The following DLGAP2 variants were observed in gnomAD, a reference collection of about 807,000 sequenced individuals.
DLGAP2 encodes the protein disks large-associated protein 2.
A neutral mutation model predicts 100.3 loss-of-function variants in DLGAP2; 26 were observed. That is an observed-to-expected ratio of 0.26 (90% CI 0.19 to 0.36). The LOEUF (loss-of-function observed/expected upper bound fraction) is 0.36. DLGAP2 is among the 10% of genes least tolerant of loss of function. The pLI, the probability that DLGAP2 is intolerant of heterozygous loss-of-function variation, is 1.00. For missense variants in DLGAP2, 1,858 were observed against 1,453.2 expected (o/e 1.28, Z -4.53); for synonymous variants, 886 against 630.1 (o/e 1.41, Z -6.08).
At chr8:1,412,285 T>G (rs6558468) in intron 3 of DLGAP2, among the ~76,000 whole-genome samples, 55,754 of 152,116 alleles carry the variant, frequency 0.37, 11,037 homozygotes, top group East Asian at 0.65. Context: ...TTGTCTTTCA[T>G]GCCTCCTCCT....
chr8:1,231,344 C>A (rs1372882065), intron 2 of DLGAP2, among the ~76,000 whole-genome samples: 1 of 152,172 alleles, frequency 6.6e-6, no homozygotes, highest in Non-Finnish European at 1.5e-5. Flanking sequence ...ACAACAGATG[C>A]TGGTGAGGGT....
chr8:1,426,981 A>C (rs962108107), intron 3 of DLGAP2, among the ~76,000 whole-genome samples: 1 of 152,250 alleles, frequency 6.6e-6, no homozygotes, highest in Non-Finnish European at 1.5e-5. Flanking sequence ...CTTATTGACA[A>C]TTAAAAACTA....
intron 1 of DLGAP2, among the ~76,000 whole-genome samples, chr8:854,744 G>A (rs1585935459): frequency 6.6e-6 from 1 of 152,188 alleles, no homozygotes; most frequent in South Asian, 2.1e-4. Context: ...GCAATGGCAG[G>A]TTGGATTCAG....
chr8:1,390,908 C>T (rs1478256394), intron 3 of DLGAP2, among the ~76,000 whole-genome samples: 1 of 152,206 alleles, frequency 6.6e-6, no homozygotes, highest in Non-Finnish European at 1.5e-5. Flanking sequence ...GCAAGGCAGG[C>T]AGCAACCTCA....
chr8:928,631 C>G (rs1284540048), intron 2 of DLGAP2, among the ~76,000 whole-genome samples: 2 of 152,068 alleles, frequency 1.3e-5, no homozygotes, highest in African/African-American at 4.8e-5. Context: ...AAAAATAAAG[C>G]ACAGGGGAAG....
At chr8:1,239,387 G>T in intron 2 of DLGAP2, among the ~76,000 whole-genome samples, 1 of 13,270 alleles carries the variant, frequency 7.5e-5, no homozygotes, top group South Asian at 2.9e-3. Flanking sequence ...GTTCTCTCAC[G>T]TGGTGCCGTG....
At chr8:1,364,620 GT>G (rs1802067605) in intron 3 of DLGAP2, among the ~76,000 whole-genome samples, 1 of 152,256 alleles carries the variant, frequency 6.6e-6, no homozygotes, top group Non-Finnish European at 1.5e-5. Context: ...CTCTTCAGTG[GT>G]TCTGTCAGTG....
intron 2 of DLGAP2, among the ~76,000 whole-genome samples, chr8:965,183 G>A (rs1490026463): frequency 2.8e-5 from 4 of 143,056 alleles, no homozygotes; most frequent in East Asian, 2.1e-4. Flanking sequence ...CGCTGCACAC[G>A]GCACTGTTCA....
intron 2 of DLGAP2, among the ~76,000 whole-genome samples, chr8:922,279 A>G (rs565921188): frequency 2.0e-5 from 3 of 152,180 alleles, no homozygotes; most frequent in Non-Finnish European, 2.9e-5. Flanking sequence ...AGTCCTGCTC[A>G]CTTTATTCTG....
intron 14 of DLGAP2, among the ~76,000 whole-genome samples, chr8:1,699,222 A>G (rs1184105059): frequency 3.9e-5 from 6 of 152,178 alleles, no homozygotes; most frequent in African/African-American, 1.4e-4. Context: ...CAAAATGGAA[A>G]CGTCTTTGGG....
At chr8:898,464 A>C (rs1185439879) in intron 1 of DLGAP2, among the ~76,000 whole-genome samples, 2 of 152,196 alleles carry the variant, frequency 1.3e-5, no homozygotes, top group Non-Finnish European at 2.9e-5. Context: ...CTTCATCCGC[A>C]GGGCACACAT....
intron 2 of DLGAP2, among the ~76,000 whole-genome samples, chr8:1,033,438 G>A (rs767824295): frequency 1.3e-5 from 2 of 152,110 alleles, no homozygotes; most frequent in Non-Finnish European, 2.9e-5. Flanking sequence ...GGGCTGAGGC[G>A]GGCAGATTGC....
chr8:774,666 C>T (rs1184304446), intron 1 of DLGAP2, among the ~76,000 whole-genome samples: 11 of 151,656 alleles, frequency 7.3e-5, no homozygotes, highest in South Asian at 2.1e-4. Flanking sequence ...TGTAGATGTG[C>T]GGCATTATTT....
chr8:967,850 A>T (rs1247033584), intron 2 of DLGAP2, among the ~76,000 whole-genome samples: 1 of 83,436 alleles, frequency 1.2e-5, no homozygotes, highest in Non-Finnish European at 2.3e-5. Flanking sequence ...ATATATATAT[A>T]TATATATATA....
intron 3 of DLGAP2, among the ~76,000 whole-genome samples, chr8:1,457,060 A>G (rs1158472481): frequency 6.6e-6 from 1 of 152,212 alleles, no homozygotes. Flanking sequence ...CAATGTGGTC[A>G]TCTTTGTTCC....
intron 3 of DLGAP2, among the ~76,000 whole-genome samples, chr8:1,365,797 A>G (rs1802095466): frequency 6.6e-6 from 1 of 152,232 alleles, no homozygotes; most frequent in Admixed American, 6.5e-5. Context: ...GGGGGACCAG[A>G]GCTGTGCCAT....
intron 6 of DLGAP2, among the ~76,000 whole-genome samples, chr8:1,617,533 A>C (rs1000137836): frequency 2.0e-5 from 3 of 152,202 alleles, no homozygotes; most frequent in Non-Finnish European, 2.9e-5. Flanking sequence ...TTCGTTTGAA[A>C]AGTGTCTGTT....
chr8:1,176,397 G>C (rs1013996885), intron 2 of DLGAP2, among the ~76,000 whole-genome samples: 1 of 104,820 alleles, frequency 9.5e-6, no homozygotes, highest in African/African-American at 3.7e-5. Context: ...TATCACCAGA[G>C]TTTCTGTGAG....
At chr8:999,994 C>G (rs75280826) in intron 2 of DLGAP2, among the ~76,000 whole-genome samples, 8 of 111,812 alleles carry the variant, frequency 7.2e-5, no homozygotes, top group Admixed American at 1.9e-4. Flanking sequence ...TTCTTTTGCA[C>G]TGGATTTTCT....
Sources: allele counts gnomAD v4.1 joint callset (sites outside exome capture counted in the v4.1 genomes callset), GRCh38; gene constraint gnomAD v4.1.1; transcripts MANE v1.5; gene names NCBI Gene and HGNC (gene_info 2026-07-23, HGNC 2026-07-21).